MAPK10: variants seen among roughly 807,000 people sequenced by gnomAD.
The protein encoded by MAPK10 is JNK3 alpha protein kinase.
In MAPK10, 25 loss-of-function variants were observed where a neutral mutation model predicts 59.3. That is an observed-to-expected ratio of 0.42 (90% CI 0.31 to 0.59). MAPK10 has a LOEUF of 0.59. Ranked by LOEUF, MAPK10 falls within the 20% of genes least tolerant of loss-of-function variation. The probability of loss-of-function intolerance (pLI) is 0.15; values close to 1 mark genes in which losing one functional copy is unlikely to be tolerated. For synonymous variants in MAPK10, 190 were observed against 200.5 expected, an observed-to-expected ratio of 0.95 and a Z score of 0.44; for missense variants, 351 against 568.9, an observed-to-expected ratio of 0.62 and a Z score of 3.90.
At chr4:86,100,854 A>G in intron 8 of MAPK10, 198 bp downstream of exon 8, 1 of 503,498 alleles carries the variant, frequency 2.0e-6, no homozygotes, top group Non-Finnish European at 3.5e-6. Context: ...CTTCTAGCAA[A>G]ACTGACTTCT....
chr4:86,461,262 TG>T (rs1308922869), intron 1 of MAPK10, among the ~76,000 whole-genome samples: 1 of 152,110 alleles, frequency 6.6e-6, no homozygotes, highest in East Asian at 1.9e-4. Context: ...TTTATACATT[TG>T]AGGAGGACAG....
At chr4:86,369,202 G>A (rs1234507580) in intron 1 of MAPK10, among the ~76,000 whole-genome samples, 1 of 152,106 alleles carries the variant, frequency 6.6e-6, no homozygotes, top group African/African-American at 2.4e-5. Context: ...TTGTCAGCAT[G>A]GTGCTCAAAA....
At chr4:86,456,814 A>C (rs972585586), upstream of MAPK10, among the ~76,000 whole-genome samples, 2 of 152,222 alleles carry the variant, frequency 1.3e-5, no homozygotes, top group African/African-American at 4.8e-5. Context: ...CTATGAAGCC[A>C]GTATCACTCT....
Position 86,064,219 on chromosome 4 carries a change from G to C in MAPK10, c.1110+47C>G, listed in dbSNP as rs199845177. ...TAGTCCTATTCAGTTTTTGCTATGA[G>C]CTATGATTTGTTTGTGGAAGCAAAG... On this transcript the variant is annotated intron_variant, in intron 11 of 13. Transcript: ENST00000641462. 1.3e-5 allele frequency: 21 copies of C among 1,610,470 alleles called. No individual in the cohort carries two copies. The Admixed American group carries it at 2.9e-4, about 22-fold the overall frequency.
chr4:86,401,547 C>T (rs191848381), intron 1 of MAPK10, among the ~76,000 whole-genome samples: 4 of 152,268 alleles, frequency 2.6e-5, no homozygotes, highest in Non-Finnish European at 5.9e-5. Context: ...CTTTACTTCC[C>T]ATTAGGAGCT....
intron 13 of MAPK10, among the ~76,000 whole-genome samples, chr4:86,025,854 G>T (rs112094681): frequency 6.6e-6 from 1 of 152,042 alleles, no homozygotes; most frequent in Non-Finnish European, 1.5e-5. Flanking sequence ...TAAAGGCAAT[G>T]ATTTTCCTGA....
At chr4:86,228,065 A>T (rs1240031603) in intron 2 of MAPK10, among the ~76,000 whole-genome samples, 1 of 152,188 alleles carries the variant, frequency 6.6e-6, no homozygotes, top group African/African-American at 2.4e-5. Context: ...AGGAATGAGA[A>T]AGGCAGGGTA....
In MAPK10 at chr4:86,014,741, AG is replaced by A. The variant is rs1421745012; in HGVS notation, c.*2486del. The A allele has an allele frequency of 1.3e-5, 2 of 152,228 alleles. No homozygotes were observed. Among genetic ancestry groups the A allele is most frequent in the Non-Finnish European group, 2.9e-5 (2 of 68,104 alleles). 9.4% of individuals were successfully genotyped at this position (152,228 alleles called of 1,614,324 possible). ...TCTAGTTCTTGCCTGGTTTACTCTG[AG>A]GGGGAAATTCACCACTTATGCAGGT... On this transcript the variant is annotated 3_prime_UTR_variant, in exon 14 of 14. Coordinates refer to ENST00000641462, the MANE Select transcript of MAPK10 (RefSeq NM_138982.4).
intron 2 of MAPK10, among the ~76,000 whole-genome samples, chr4:86,238,982 T>G (rs754245476): frequency 2.3e-4 from 35 of 152,200 alleles, no homozygotes; most frequent in Non-Finnish European, 4.6e-4. Context: ...GGCTATGGGT[T>G]TGTCATAAAT....
chr4:86,360,713 T>C (rs1736775127), upstream of MAPK10, among the ~76,000 whole-genome samples: 1 of 152,160 alleles, frequency 6.6e-6, no homozygotes, highest in African/African-American at 2.4e-5. Context: ...TGATGAAAAT[T>C]GTACTGTTAC....
chr4:86,179,421 C>T (rs1400416427), intron 3 of MAPK10, among the ~76,000 whole-genome samples: 1 of 151,852 alleles, frequency 6.6e-6, no homozygotes, highest in Non-Finnish European at 1.5e-5. Flanking sequence ...GTTAAATGAC[C>T]ATACTAACCA....
At chr4:86,366,561 A>C (rs747104089) in intron 1 of MAPK10, among the ~76,000 whole-genome samples, 2 of 152,148 alleles carry the variant, frequency 1.3e-5, no homozygotes, top group Non-Finnish European at 2.9e-5. Context: ...AGGAAAGGCC[A>C]GAGTCACCAG....
At chr4:86,333,826 A>C (rs1288131911) in intron 2 of MAPK10, among the ~76,000 whole-genome samples, 1 of 152,208 alleles carries the variant, frequency 6.6e-6, no homozygotes, top group African/African-American at 2.4e-5. Context: ...AAATTGATCT[A>C]ATATATGTAA....
intron 1 of MAPK10, among the ~76,000 whole-genome samples, chr4:86,502,867 C>T (rs1211396002): frequency 6.6e-6 from 1 of 152,048 alleles, no homozygotes; most frequent in Non-Finnish European, 1.5e-5. Flanking sequence ...ACCTCAAACT[C>T]AGCACATAAA....
intron 1 of MAPK10, among the ~76,000 whole-genome samples, chr4:86,532,139 C>T (rs1224021306): frequency 6.7e-6 from 1 of 149,938 alleles, no homozygotes; most frequent in Non-Finnish European, 1.5e-5. Flanking sequence ...CAAAGAAGCT[C>T]CCATCAAAAT....
At chr4:86,398,920 T>C (rs568031483) in intron 1 of MAPK10, among the ~76,000 whole-genome samples, 2 of 152,310 alleles carry the variant, frequency 1.3e-5, no homozygotes, top group South Asian at 2.1e-4. Context: ...ATCCATTTTG[T>C]TGCAAAGGAC....
At chr4:86,142,009 C>A (rs2063743977) in intron 4 of MAPK10, among the ~76,000 whole-genome samples, 1 of 152,114 alleles carries the variant, frequency 6.6e-6, no homozygotes, top group African/African-American at 2.4e-5. Context: ...TTAAAACGAC[C>A]CACTTTCTTG....
chr4:86,506,987 T>C (rs1755790232), intron 1 of MAPK10, among the ~76,000 whole-genome samples: 1 of 152,124 alleles, frequency 6.6e-6, no homozygotes, highest in South Asian at 2.1e-4. Flanking sequence ...ATAAGGAATA[T>C]GTATCAGAAA....
chr4:86,572,699 T>G (rs925323620), intron 1 of MAPK10, among the ~76,000 whole-genome samples: 2 of 152,206 alleles, frequency 1.3e-5, no homozygotes, highest in African/African-American at 4.8e-5. Context: ...ACAGGTCTCA[T>G]GCTCATGAAC....
Sources: gnomAD v4.1 joint callset for allele counts (sites outside exome capture counted in the v4.1 genomes callset) on GRCh38, gnomAD v4.1.1 for gene constraint, MANE v1.5 for transcripts, NCBI Gene and HGNC (gene_info 2026-07-23, HGNC 2026-07-21) for gene names.